CHRNG: variants seen among roughly 807,000 people sequenced by gnomAD.
CHRNG encodes cholinergic receptor nicotinic gamma subunit, also known as acetylcholine receptor subunit gamma.
Under a neutral mutation model 65.2 loss-of-function variants are expected in CHRNG, and 72 were observed. That is an observed-to-expected ratio of 1.10 (90% CI 0.91 to 1.34). The LOEUF (loss-of-function observed/expected upper bound fraction) is 1.34, where lower values mean the gene tolerates loss of function less well. Among genes scored for constraint, CHRNG ranks in the 40% most tolerant of loss-of-function variants. The probability of loss-of-function intolerance (pLI) is 0.00; values close to 1 mark genes in which losing one functional copy is unlikely to be tolerated. For missense variants in CHRNG, 637 were observed against 680.1 expected, an observed-to-expected ratio of 0.94 and a Z score of 0.70; for synonymous variants, 284 against 290.2, an observed-to-expected ratio of 0.98 and a Z score of 0.22.
At position 232,542,301 on chromosome 2, in the gene CHRNG, G is replaced by A. The variant is rs1692033056; in HGVS notation, c.507-122G>A. On this transcript the variant is annotated intron_variant, in intron 5 of 11. Transcript: ENST00000651502. ...CCAGTGGGGTTTTATAGAGAACTCA[G>A]AAGCGTGGGGCTGCATTTTGTTGAA... 35 of 715,976 alleles carry A rather than the reference G, an allele frequency of 4.9e-5. No homozygotes were observed. In the South Asian group the frequency reaches 5.1e-4, roughly 10 times the overall value. 44.4% of individuals were successfully genotyped at this position (715,976 alleles called of 1,614,324 possible). A position where few individuals can be genotyped will look rare whatever the true frequency, so the allele number is the denominator to read the frequency against.
Position 232,546,308 on chromosome 2 carries a change from CTTTTT to C in CHRNG, c.*608_*612del, listed in dbSNP as rs57021172. ...ACGATTTCCTGAGTTTTGTAATCCT[CTTTTT>C]TTTTTTTTTTTTTTTAGTTTTTGAT... On this transcript the variant is annotated 3_prime_UTR_variant, in exon 12 of 12. Coordinates refer to ENST00000651502, the MANE Select transcript of CHRNG (RefSeq NM_005199.5). 1.6e-4 allele frequency: 15 copies of C among 94,846 alleles called. No individual in the cohort carries two copies. The South Asian group carries it at 4.4e-3, about 28-fold the overall frequency. The allele number at this position is 94,846 out of a possible 1,614,324, so 5.9% of individuals were successfully genotyped here.
At position 232,544,935 on chromosome 2, in the gene CHRNG, T is replaced by C. The variant is rs1398001971; in HGVS notation, c.1380+33T>C. 2.5e-6 allele frequency: 4 copies of C among 1,612,150 alleles called. No individual in the cohort carries two copies. In the East Asian group the frequency reaches 8.9e-5, roughly 36 times the overall value. On this transcript the variant is annotated intron_variant, in intron 11 of 11. Coordinates refer to ENST00000651502, the MANE Select transcript of CHRNG (RefSeq NM_005199.5). ...GAGTCAGGGTGGGGTGGAGGTGGAG[T>C]GAGTACCTGGGCTTGGAACCGTGAT...
chr2:232,543,480 A>C (rs867656707), intron 8 of CHRNG, 91 bp downstream of exon 8: 1,249 of 1,110,556 alleles, frequency 1.1e-3, no homozygotes, highest in Middle Eastern at 5.4e-3. Flanking sequence ...CCCTCCATCC[A>C]CCCCCCCCAT....
At position 232,548,110 on chromosome 2, in the gene CHRNG, A is replaced by G. The variant is rs4973539; in HGVS notation, c.*2394A>G. ...TATTGCTAAAAAATGCTGATTATCA[A>G]TCTGAGCCTTCGGTGAGTCGTACTC... is the stretch of plus-strand genomic sequence containing the variant. On this transcript the variant is annotated 3_prime_UTR_variant, in exon 12 of 12. Coordinates refer to ENST00000651502, the MANE Select transcript of CHRNG (RefSeq NM_005199.5). 0.19 allele frequency: 142,654 copies of G among 732,080 alleles called. 14,331 individuals carry two copies. The highest frequency in any genetic ancestry group is 0.23 in the Middle Eastern group (971 of 4,160). 45.3% of individuals were successfully genotyped at this position (732,080 alleles called of 1,614,324 possible).
chr2:232,542,922 G>C lies in CHRNG; in HGVS notation c.645G>C (p.Met215Ile), dbSNP rs1412152560. The change falls in exon 7 of 12, where the codon ATG becomes ATC. Residue 215 changes from methionine (M) to isoleucine (I), a missense_variant. Coordinates refer to ENST00000651502, the MANE Select transcript of CHRNG (RefSeq NM_005199.5). The stretch of plus-strand genomic sequence containing the variant: ...CCATCCAGCACCGACCAGCCAAGAT[G>C]CTCCTGGACCCAGCGGCGCCAGCCC... ...EWAIQHRPAK[M>I]LLDPAAPAQE... 6.2e-7 allele frequency: 1 copy of C among 1,614,172 alleles called. No homozygotes were observed. The highest frequency in any genetic ancestry group is 1.3e-5 in the African/African-American group (1 of 75,060).
intron 5 of CHRNG, 123 bp from the exon 6 acceptor site, chr2:232,542,300 A>G (rs1169125217): frequency 2.8e-6 from 2 of 714,170 alleles, no homozygotes; most frequent in Non-Finnish European, 5.1e-6. Context: ...TAGAGAACTC[A>G]GAAGCGTGGG....
chr2:232,540,138 CGCAGGACGGAGGA>C lies in CHRNG; in HGVS notation c.195+9_195+21del. Reference sequence around the variant, plus strand: ...CACCAACCTCATCTCCCTGGTAAGCCGCAGGACGGAGGAGGGGTCAGCGCACCACGCCCTGGGA... The same window carrying C: ...CACCAACCTCATCTCCCTGGTAAGCCGGGGTCAGCGCACCACGCCCTGGGA... On this transcript the variant is annotated splice_region_variant and intron_variant, in intron 2 of 11. Transcript: ENST00000651502. The surrounding 1 kb of genome is among the most constrained non-coding windows in gnomAD (Gnocchi z 4.2). 1.9e-6 allele frequency: 3 copies of C among 1,614,140 alleles called. No individual in the cohort carries two copies. The highest frequency in any genetic ancestry group is 1.7e-6 in the Non-Finnish European group (2 of 1,179,996).
chr2:232,546,904 A>G lies in CHRNG; in HGVS notation c.*1188A>G, dbSNP rs1199585909. ...GTGTGGAGTTAACAGAGAGCCACTG[A>G]GCTCTTCATTCCAGGAGGAGACTTT... On this transcript the variant is annotated 3_prime_UTR_variant, in exon 12 of 12. Transcript: ENST00000651502. 1.3e-5 allele frequency among the ~76,000 whole-genome samples: 2 copies of G among 152,096 alleles called. No homozygotes were observed. The highest frequency in any genetic ancestry group is 2.4e-5 in the African/African-American group (1 of 41,410).
rs759163681 is a variant in CHRNG, at chr2:232,540,105, C to G, written c.169C>G (p.Leu57Val). 9.3e-6 allele frequency: 15 copies of G among 1,614,216 alleles called. No individual in the cohort carries two copies. The highest frequency in any genetic ancestry group is 1.3e-5 in the Non-Finnish European group (15 of 1,180,022). The change falls in exon 2 of 12, where the codon CTA (leucine) becomes GTA (valine). Residue 57 changes from leucine (L) to valine (V), a missense_variant. Coordinates refer to ENST00000651502, the MANE Select transcript of CHRNG (RefSeq NM_005199.5). This position sits in a 1 kb window ranked among gnomAD's most constrained non-coding sequence, Gnocchi z 4.2. ...GGATGTGGTCAATGTCAGCCTGAAG[C>G]TAACCCTCACCAACCTCATCTCCCT... ...DSDVVNVSLKLTLTNLISLNE... is the reference protein window; with the variant it reads ...DSDVVNVSLKVTLTNLISLNE...
In CHRNG at chr2:232,545,723, C is replaced by G; in HGVS notation, c.*7C>G. The G allele has an allele frequency of 1.2e-6, 2 of 1,613,940 alleles. No individual in the cohort carries two copies. The highest frequency in any genetic ancestry group is 1.7e-6 in the Non-Finnish European group (2 of 1,179,864). ...CCTGCCCTCACCAGACTGAGCCAAC[C>G]AACCACTGTGGGGCATGTGGGAGTC... On this transcript the variant is annotated 3_prime_UTR_variant, in exon 12 of 12. Transcript: ENST00000651502.
intron 9 of CHRNG, among the ~76,000 whole-genome samples, 177 bp from the exon 10 acceptor site, chr2:232,544,190 G>A (rs1692076885): frequency 6.6e-6 from 1 of 152,226 alleles, no homozygotes; most frequent in Admixed American, 6.5e-5. Context: ...TGATTCTGAT[G>A]TGCACTGAAG....
In CHRNG at chr2:232,546,308, CT is replaced by C. The variant is rs57021172; in HGVS notation, c.*612del. 367 of 94,824 alleles carry C rather than the reference CT, an allele frequency of 3.9e-3. No homozygotes were observed. The highest frequency in any genetic ancestry group is 6.7e-3 in the Middle Eastern group (1 of 150). The allele number at this position is 94,824 out of a possible 1,614,324, so 5.9% of individuals were successfully genotyped here. ...ACGATTTCCTGAGTTTTGTAATCCTCTTTTTTTTTTTTTTTTTTTTAGTTTT... is the reference window on the plus strand; with the variant it reads ...ACGATTTCCTGAGTTTTGTAATCCTCTTTTTTTTTTTTTTTTTTTAGTTTT... On this transcript the variant is annotated 3_prime_UTR_variant, in exon 12 of 12. Transcript: ENST00000651502.
Position 232,541,660 on chromosome 2 carries a change from G to A in CHRNG, c.506+131G>A. The stretch of plus-strand genomic sequence containing the variant: ...CTAGAGGCCTGGCTCCATCTCCCCT[G>A]GGCCTCTGTGCCCATCTCAGGCTAA... On this transcript the variant is annotated intron_variant, in intron 5 of 11. Transcript: ENST00000651502. The surrounding 1 kb of genome is among the most constrained non-coding windows in gnomAD (Gnocchi z 4.0). The A allele has an allele frequency of 2.6e-6, 3 of 1,141,652 alleles. No individual in the cohort carries two copies. The Admixed American group carries it at 5.2e-5, about 20-fold the overall frequency. 70.7% of individuals were successfully genotyped at this position (1,141,652 alleles called of 1,614,324 possible).
Position 232,542,779 on chromosome 2 carries a change from C to T in CHRNG, c.605-103C>T, listed in dbSNP as rs1380372222. ...CTCAAGGGTGCCTCCCCTGCTGGTG[C>T]TCCTTAGGGCACATGCTGCCCTTGC... On this transcript the variant is annotated intron_variant, in intron 6 of 11. Transcript: ENST00000651502. The T allele has an allele frequency of 7.8e-6, 8 of 1,031,600 alleles. No individual in the cohort carries two copies. The Admixed American group carries it at 1.6e-4, about 20-fold the overall frequency. 63.9% of individuals were successfully genotyped at this position (1,031,600 alleles called of 1,614,324 possible). A position where few individuals can be genotyped will look rare whatever the true frequency, so the allele number is the denominator to read the frequency against.
At position 232,540,020 on chromosome 2, in the gene CHRNG, CCTGCTCGCAGACCTGATGCAAAA is replaced by C; in HGVS notation, c.87_109del (p.Leu30ArgfsTer98). 1 of 1,614,206 alleles carries C rather than the reference CCTGCTCGCAGACCTGATGCAAAA, an allele frequency of 6.2e-7. No homozygotes were observed. On this transcript the variant is annotated frameshift_variant, in exon 2 of 12. Transcript: ENST00000651502. LOFTEE classifies it high-confidence loss of function. This position sits in a 1 kb window ranked among gnomAD's most constrained non-coding sequence, Gnocchi z 4.2. Reference sequence around the variant, plus strand: ...CCCAGGGCCGGAACCAGGAGGAGCGCCTGCTCGCAGACCTGATGCAAAACTACGACCCCAACCTGCGGCCCGCG... The same window carrying C: ...CCCAGGGCCGGAACCAGGAGGAGCGCCTACGACCCCAACCTGCGGCCCGCG...
At position 232,541,820 on chromosome 2, in the gene CHRNG, C is replaced by T. The variant is rs1692022818; in HGVS notation, c.506+291C>T. 1.9e-6 allele frequency: 1 copy of T among 521,118 alleles called. No individual in the cohort carries two copies. The highest frequency in any genetic ancestry group is 3.5e-6 in the Non-Finnish European group (1 of 286,400). The allele number at this position is 521,118 out of a possible 1,614,324, so 32.3% of individuals were successfully genotyped here. On this transcript the variant is annotated intron_variant, in intron 5 of 11. Transcript: ENST00000651502. The surrounding 1 kb of genome is among the most constrained non-coding windows in gnomAD (Gnocchi z 4.0). Reference sequence around the variant, plus strand: ...GTGCGTGGGTGAGAAGGCACACATGCACACAAGATGCGTGTCTGCGCACAC... The same window carrying T: ...GTGCGTGGGTGAGAAGGCACACATGTACACAAGATGCGTGTCTGCGCACAC...
chr2:232,540,067 C>A lies in CHRNG; in HGVS notation c.131C>A (p.Ala44Glu). ...AACTACGACCCCAACCTGCGGCCCGCGGAACGAGACTCGGATGTGGTCAAT... is the reference window on the plus strand; with the variant it reads ...AACTACGACCCCAACCTGCGGCCCGAGGAACGAGACTCGGATGTGGTCAAT... Reference protein sequence around the residue: ...MQNYDPNLRPAERDSDVVNVS... With the variant: ...MQNYDPNLRPEERDSDVVNVS... The change falls in exon 2 of 12, where the codon GCG becomes GAG. Residue 44 changes from alanine (A) to glutamate (E), a missense_variant. By Grantham distance (107) the Ala-to-Glu change is moderately radical (BLOSUM62 -1). Transcript: ENST00000651502. This position sits in a 1 kb window ranked among gnomAD's most constrained non-coding sequence, Gnocchi z 4.2. 1 of 1,614,210 alleles carries A rather than the reference C, an allele frequency of 6.2e-7. No individual in the cohort carries two copies. Among genetic ancestry groups the A allele is most frequent in the African/African-American group, 1.3e-5 (1 of 75,062 alleles).
Position 232,541,478 on chromosome 2 carries a change from T to C in CHRNG, c.455T>C (p.Ile152Thr). 1 of 1,614,148 alleles carries C rather than the reference T, an allele frequency of 6.2e-7. No homozygotes were observed. Among genetic ancestry groups the C allele is most frequent in the Non-Finnish European group, 8.5e-7 (1 of 1,179,990 alleles). ...PPAIFRSACS[I>T]SVTYFPFDWQ... ...GCCATCTTCCGTTCCGCCTGCTCTA[T>C]CTCAGTCACCTACTTCCCCTTCGAC... The change falls in exon 5 of 12, where the codon ATC becomes ACC. Residue 152 changes from isoleucine (I) to threonine (T), a missense_variant. Ile to Thr is a moderately conservative substitution (Grantham distance 89). Coordinates refer to ENST00000651502, the MANE Select transcript of CHRNG (RefSeq NM_005199.5). This position sits in a 1 kb window ranked among gnomAD's most constrained non-coding sequence, Gnocchi z 4.0.
In CHRNG at chr2:232,540,599, C is replaced by T; in HGVS notation, c.241-3C>T. On this transcript the variant is annotated splice_polypyrimidine_tract_variant and splice_region_variant and intron_variant, in intron 3 of 11. Coordinates refer to ENST00000651502, the MANE Select transcript of CHRNG (RefSeq NM_005199.5). The surrounding 1 kb of genome is among the most constrained non-coding windows in gnomAD (Gnocchi z 4.2). ...GGCCTAGCAACTGCCCCTCCCCCTG[C>T]AGCAGTGGTGCGACTATCGCCTGCG... 15 of 1,610,990 alleles carry T rather than the reference C, an allele frequency of 9.3e-6. No individual in the cohort carries two copies. The highest frequency in any genetic ancestry group is 1.3e-5 in the African/African-American group (1 of 75,038).
Sources: gnomAD v4.1 joint callset for allele counts (sites outside exome capture counted in the v4.1 genomes callset) on GRCh38, gnomAD v4.1.1 for gene constraint, Gnocchi (gnomAD v3.1) non-coding constraint, MANE v1.5 for transcripts, NCBI Gene and HGNC (gene_info 2026-07-23, HGNC 2026-07-21) for gene names.